The following SCAMP1 variants were observed in gnomAD, a reference collection of about 807,000 sequenced individuals.
SCAMP1 encodes the protein secretory carrier-associated membrane protein 1.
In SCAMP1, 15 loss-of-function variants were observed where a neutral mutation model predicts 41.8. That is an observed-to-expected ratio of 0.36 (90% CI 0.24 to 0.55). The LOEUF (loss-of-function observed/expected upper bound fraction) is 0.55, where lower values mean the gene tolerates loss of function less well. Ranked by LOEUF, SCAMP1 falls within the 20% of genes least tolerant of loss-of-function variation. The pLI is 0.86. For missense variants in SCAMP1, 341 were observed against 412.6 expected (o/e 0.83, Z 1.50); for synonymous variants, 135 against 136.8 (o/e 0.99, Z 0.09).
chr5:78,432,403 T>C (rs1034205102), intron 6 of SCAMP1, among the ~76,000 whole-genome samples: 11 of 152,160 alleles, frequency 7.2e-5, no homozygotes, highest in African/African-American at 2.7e-4. Context: ...TAATCAGTTC[T>C]CTGATTTTTG....
intron 1 of SCAMP1, among the ~76,000 whole-genome samples, chr5:78,381,395 G>A (rs560516320): frequency 5.3e-5 from 8 of 152,206 alleles, no homozygotes; most frequent in East Asian, 1.9e-4. Flanking sequence ...CTGGTTACTG[G>A]TTTTGTAGAT....
chr5:78,388,708 T>C (rs1055718165), intron 1 of SCAMP1, 129 bp from the exon 2 acceptor site: 1 of 484,188 alleles, frequency 2.1e-6, no homozygotes. Context: ...TCTGAGAGCC[T>C]TCTTTTATTT....
At chr5:78,390,157 A>G (rs1751450026) in intron 2 of SCAMP1, among the ~76,000 whole-genome samples, 1 of 152,196 alleles carries the variant, frequency 6.6e-6, no homozygotes, top group Non-Finnish European at 1.5e-5. Context: ...GTTGTAGGAC[A>G]TCTAGATGGT....
chr5:78,475,621 G>C lies in SCAMP1; in HGVS notation c.970G>C (p.Ala324Pro). ...CGCAGCTGCAAATGCAGCTTCAACT[G>C]CAGCATCTAGTGCAGCTCAGAATGC... Reference protein sequence around the residue: ...QTAAANAASTAASSAAQNAFK... With the variant: ...QTAAANAASTPASSAAQNAFK... The change falls in exon 9 of 9, where the codon GCA becomes CCA. Residue 324 changes from alanine to proline, a missense_variant. Ala to Pro is a conservative substitution (Grantham distance 27). Coordinates refer to ENST00000621999, the MANE Select transcript of SCAMP1 (RefSeq NM_004866.6). 1 of 1,602,626 alleles carries C rather than the reference G, an allele frequency of 6.2e-7. No individual in the cohort carries two copies. Among genetic ancestry groups the C allele is most frequent in the South Asian group, 1.1e-5 (1 of 89,160 alleles).
At chr5:78,425,443 T>A (rs768733777) in intron 6 of SCAMP1, among the ~76,000 whole-genome samples, 1 of 152,348 alleles carries the variant, frequency 6.6e-6, no homozygotes, top group South Asian at 2.1e-4. Context: ...TAGCATAATT[T>A]TAGTTTTTCA....
intron 8 of SCAMP1, among the ~76,000 whole-genome samples, chr5:78,463,635 T>C (rs1753669845): frequency 6.6e-6 from 1 of 152,228 alleles, no homozygotes; most frequent in Non-Finnish European, 1.5e-5. Context: ...AGACCACATA[T>C]TGTATAGATT....
At chr5:78,361,126 G>C (rs527774273) in intron 1 of SCAMP1, 98 of 199,690 alleles carry the variant, frequency 4.9e-4, no homozygotes, top group African/African-American at 2.3e-3. Flanking sequence ...GCCCGCCCTG[G>C]GGTGGGGTTG....
chr5:78,415,526 C>T lies in SCAMP1; in HGVS notation c.142C>T (p.Pro48Ser), dbSNP rs1244090530. The change falls in exon 3 of 9, where the codon CCA becomes TCA. Residue 48 changes from proline to serine, a missense_variant. Pro to Ser is a moderately conservative substitution (Grantham distance 74). Coordinates refer to ENST00000621999, the MANE Select transcript of SCAMP1 (RefSeq NM_004866.6). ...CTTCTCTTAATCCTCCTAGCCTCCA[C>T]CAGGCGGTGTGAAGATGCCTAATGT... is the stretch of plus-strand genomic sequence containing the variant. ...NPFSDSRTPP[P>S]GGVKMPNVPN... 5.0e-6 allele frequency: 8 copies of T among 1,597,962 alleles called. No homozygotes were observed. Among genetic ancestry groups the T allele is most frequent in the Admixed American group, 3.4e-5 (2 of 58,352 alleles).
At chr5:78,450,185 A>C (rs1753184665) in intron 7 of SCAMP1, 151 bp downstream of exon 7, 1 of 155,616 alleles carries the variant, frequency 6.4e-6, no homozygotes, top group South Asian at 2.0e-4. Flanking sequence ...AAATGTCATA[A>C]GGCATAAACT....
At chr5:78,389,270 G>A (rs543435391) in intron 2 of SCAMP1, among the ~76,000 whole-genome samples, 3 of 151,882 alleles carry the variant, frequency 2.0e-5, no homozygotes, top group East Asian at 1.9e-4. Flanking sequence ...TTTTTTTTAC[G>A]TGGAAACTGT....
chr5:78,474,244 A>G (rs1052073385), intron 8 of SCAMP1, among the ~76,000 whole-genome samples: 1 of 152,002 alleles, frequency 6.6e-6, no homozygotes, highest in Non-Finnish European at 1.5e-5. Context: ...TGCTAATACC[A>G]TCATATTGGT....
intron 2 of SCAMP1, among the ~76,000 whole-genome samples, chr5:78,399,856 C>T (rs1751755476): frequency 6.6e-6 from 1 of 152,194 alleles, no homozygotes; most frequent in African/African-American, 2.4e-5. Context: ...TCTAAAAAGT[C>T]ATCACCATAC....
At chr5:78,437,524 TG>T (rs1752789926) in intron 6 of SCAMP1, among the ~76,000 whole-genome samples, 1 of 152,266 alleles carries the variant, frequency 6.6e-6, no homozygotes, top group African/African-American at 2.4e-5. Context: ...TTTATTGATT[TG>T]CGCATGTTGA....
At chr5:78,364,375 A>T (rs756334585) in intron 1 of SCAMP1, among the ~76,000 whole-genome samples, 2 of 152,254 alleles carry the variant, frequency 1.3e-5, no homozygotes, top group Non-Finnish European at 2.9e-5. Flanking sequence ...AAGATAGTTC[A>T]TTATGGAAAT....
Position 78,480,338 on chromosome 5 carries a change from T to C in SCAMP1, c.*4670T>C, listed in dbSNP as rs1754112204. On this transcript the variant is annotated 3_prime_UTR_variant, in exon 9 of 9. Transcript: ENST00000621999. ...TATCTTCTATACATTAAAACAGTTCTAGTTTGTAGAATAATACCATACAAG... is the reference window on the plus strand; with the variant it reads ...TATCTTCTATACATTAAAACAGTTCCAGTTTGTAGAATAATACCATACAAG... 6.6e-6 allele frequency among the ~76,000 whole-genome samples: 1 copy of C among 152,178 alleles called. No homozygotes were observed. The highest frequency in any genetic ancestry group is 1.5e-5 in the Non-Finnish European group (1 of 67,986).
chr5:78,407,943 A>T (rs1751974699), intron 2 of SCAMP1, among the ~76,000 whole-genome samples: 1 of 152,154 alleles, frequency 6.6e-6, no homozygotes, highest in Non-Finnish European at 1.5e-5. Flanking sequence ...TGTATCTGAT[A>T]ATTCAAATAT....
chr5:78,467,908 T>G (rs954848597), intron 8 of SCAMP1, among the ~76,000 whole-genome samples: 8 of 152,196 alleles, frequency 5.3e-5, no homozygotes, highest in Non-Finnish European at 7.3e-5. Flanking sequence ...CAAAAAATCC[T>G]TTGCAGGTAT....
chr5:78,360,985 C>CT, intron 1 of SCAMP1: 1 of 470,428 alleles, frequency 2.1e-6, no homozygotes, highest in East Asian at 4.0e-5. Flanking sequence ...AGGGTCGTGT[C>CT]TGCAGCCGGG....
intron 2 of SCAMP1, among the ~76,000 whole-genome samples, chr5:78,395,608 T>C (rs894202393): frequency 6.6e-6 from 1 of 152,224 alleles, no homozygotes; most frequent in Non-Finnish European, 1.5e-5. Flanking sequence ...GGGAAGAATC[T>C]GCTTCCAGGC....
Sources: gnomAD v4.1 joint callset for allele counts (sites outside exome capture counted in the v4.1 genomes callset) on GRCh38, gnomAD v4.1.1 for gene constraint, MANE v1.5 for transcripts, NCBI Gene and HGNC (gene_info 2026-07-23, HGNC 2026-07-21) for gene names.